DNAH8: variants seen among roughly 807,000 people sequenced by gnomAD.
DNAH8 encodes axonemal beta dynein heavy chain 8.
A neutral mutation model predicts 562.1 loss-of-function variants in DNAH8; 382 were observed. The ratio of observed to expected loss-of-function variants is 0.68; its 90% CI spans 0.63 to 0.74. DNAH8 has a LOEUF of 0.74. Ranked by LOEUF, DNAH8 falls within the 30% of genes least tolerant of loss-of-function variation. The probability of loss-of-function intolerance (pLI) is 0.00; values close to 1 mark genes in which losing one functional copy is unlikely to be tolerated. For missense variants in DNAH8, 5,203 were observed against 5,620.4 expected (o/e 0.93, Z 2.37); for synonymous variants, 1,881 against 1,919.4 (o/e 0.98, Z 0.52).
intron 58 of DNAH8, among the ~76,000 whole-genome samples, chr6:38,891,502 T>A (rs1435602229): frequency 2.6e-5 from 4 of 152,214 alleles, no homozygotes; most frequent in African/African-American, 4.8e-5. Context: ...GCCTTTCAGA[T>A]TCCTGGGTAG....
intron 69 of DNAH8, 106 bp downstream of exon 69, chr6:38,917,512 C>T (rs749501477): frequency 1.3e-5 from 12 of 923,436 alleles, no homozygotes; most frequent in Middle Eastern, 2.2e-4. Flanking sequence ...TTGATCATTG[C>T]GTATTGAAAA....
At position 38,899,632 on chromosome 6, in the gene DNAH8, T is replaced by A. The variant is rs546919560; in HGVS notation, c.9064-144T>A. On this transcript the variant is annotated intron_variant, in intron 61 of 92. Coordinates refer to ENST00000327475, the MANE Select transcript of DNAH8 (RefSeq NM_001206927.2). ...ACAAATCAGTATTAAACTTTAATTT[T>A]AAAAATTCTGTCATAGACCATTAAC... 4 of 814,504 alleles carry A rather than the reference T, an allele frequency of 4.9e-6. No homozygotes were observed. The African/African-American group carries it at 7.0e-5, about 14-fold the overall frequency. The allele number at this position is 814,504 out of a possible 1,614,324, so 50.5% of individuals were successfully genotyped here. A position where few individuals can be genotyped will look rare whatever the true frequency, so the allele number is the denominator to read the frequency against.
chr6:38,796,812 C>T (rs1372369120), intron 21 of DNAH8, among the ~76,000 whole-genome samples: 2 of 152,120 alleles, frequency 1.3e-5, no homozygotes, highest in Non-Finnish European at 2.9e-5. Flanking sequence ...CATGAGCCCG[C>T]CGATGCTCCC....
In DNAH8 at chr6:38,883,433, G is replaced by T. The variant is rs1257242633; in HGVS notation, c.8113G>T (p.Ala2705Ser). 3.1e-6 allele frequency: 5 copies of T among 1,610,702 alleles called. No homozygotes were observed. The highest frequency in any genetic ancestry group is 1.1e-5 in the South Asian group (1 of 90,182). Reference sequence around the variant, plus strand: ...ATCCAAAAGTCTAAACTTTTCATCTGCCACAGAACCAATGATGTTTCAGGT... The same window carrying T: ...ATCCAAAAGTCTAAACTTTTCATCTTCCACAGAACCAATGATGTTTCAGGT... ...QLSKSLNFSS[A>S]TEPMMFQRTI... Residue 2705 changes from alanine (A) to serine (S), a missense_variant, in exon 55 of 93, where the codon GCC (alanine) becomes TCC (serine). Ala to Ser is a moderately conservative substitution (Grantham distance 99). Around this residue, in one of 6 missense-constraint regions of DNAH8, gnomAD observed 977 missense variants for 1,061.8 expected, o/e 0.92. Transcript: ENST00000327475.
chr6:38,915,262 AGG>A lies in DNAH8; in HGVS notation c.10026_10027del (p.Glu3342AspfsTer11), dbSNP rs1283619901. ...GCCAAAATTAAAAATGAAGTACAGG[AGG>A]TAAAGGACAAAGCCCAAAAAATTGT... is the stretch of plus-strand genomic sequence containing the variant. On this transcript the variant is annotated frameshift_variant, in exon 68 of 93. Transcript: ENST00000327475. LOFTEE classifies it high-confidence loss of function. 6.2e-7 allele frequency: 1 copy of A among 1,611,688 alleles called. No individual in the cohort carries two copies. Among genetic ancestry groups the A allele is most frequent in the Admixed American group, 1.7e-5 (1 of 59,406 alleles).
intron 32 of DNAH8, among the ~76,000 whole-genome samples, chr6:38,836,694 CT>C (rs1774333588): frequency 6.6e-6 from 1 of 151,924 alleles, no homozygotes; most frequent in Non-Finnish European, 1.5e-5. Flanking sequence ...CTCCAACCCC[CT>C]AAAAAAAACA....
intron 88 of DNAH8, among the ~76,000 whole-genome samples, chr6:38,990,657 G>A (rs1457018975): frequency 6.6e-6 from 1 of 152,124 alleles, no homozygotes; most frequent in East Asian, 1.9e-4. Context: ...CTTTTGTCAT[G>A]CACTGCCTGT....
chr6:38,734,781 G>C (rs1486923309), intron 5 of DNAH8, among the ~76,000 whole-genome samples, 156 bp downstream of exon 5: 3 of 152,016 alleles, frequency 2.0e-5, no homozygotes, highest in African/African-American at 2.4e-5. Context: ...CTGAGAAATT[G>C]ACTGTAATAG....
chr6:38,973,886 G>T (rs764249016), intron 84 of DNAH8, 73 bp downstream of exon 84: 98 of 1,293,210 alleles, frequency 7.6e-5, no homozygotes, highest in Non-Finnish European at 9.7e-5. Flanking sequence ...TTGAAAGATG[G>T]GAACACAACA....
intron 58 of DNAH8, among the ~76,000 whole-genome samples, chr6:38,892,573 A>G (rs1779411884): frequency 6.6e-6 from 1 of 151,870 alleles, no homozygotes; most frequent in South Asian, 2.1e-4. Flanking sequence ...AACCTTCCTC[A>G]CCATCCCCCC....
intron 16 of DNAH8, 60 bp downstream of exon 16, chr6:38,781,433 T>G: frequency 8.7e-7 from 1 of 1,154,426 alleles, no homozygotes; most frequent in Admixed American, 3.1e-5. Context: ...AACAAATATA[T>G]CATATCCTAT....
Position 38,949,522 on chromosome 6 carries a change from A to AT in DNAH8, c.12201dup (p.Gly4068TrpfsTer3). 2 of 1,613,198 alleles carry AT rather than the reference A, an allele frequency of 1.2e-6. No homozygotes were observed. Among genetic ancestry groups the AT allele is most frequent in the Non-Finnish European group, 1.7e-6 (2 of 1,179,190 alleles). ...GCTCCAGAGGAGGAAATTATCCCTG[A>AT]TGGATATAATGATTCACTAGATACC... is the stretch of plus-strand genomic sequence containing the variant. On this transcript the variant is annotated frameshift_variant, in exon 81 of 93. Coordinates refer to ENST00000327475, the MANE Select transcript of DNAH8 (RefSeq NM_001206927.2). LOFTEE classifies it high-confidence loss of function.
intron 87 of DNAH8, among the ~76,000 whole-genome samples, chr6:38,989,721 G>A (rs1487637633): frequency 2.6e-5 from 4 of 152,184 alleles, no homozygotes; most frequent in African/African-American, 9.7e-5. Flanking sequence ...ATGGAATTGA[G>A]GGTTGTCAAA....
In DNAH8 at chr6:38,783,212, A is replaced by G. The variant is rs1195944566; in HGVS notation, c.2395+73A>G. On this transcript the variant is annotated intron_variant, in intron 17 of 92. Coordinates refer to ENST00000327475, the MANE Select transcript of DNAH8 (RefSeq NM_001206927.2). ...TTGAATGAGTTCATAGTTCTGGAGA[A>G]CTTTTTCCATCCCTTCCACATAATC... 11 of 1,398,034 alleles carry G rather than the reference A, an allele frequency of 7.9e-6. No individual in the cohort carries two copies. The African/African-American group carries it at 1.4e-4, about 18-fold the overall frequency. The allele number at this position is 1,398,034 out of a possible 1,614,324, so 86.6% of individuals were successfully genotyped here. A position where few individuals can be genotyped will look rare whatever the true frequency, so the allele number is the denominator to read the frequency against.
At chr6:38,858,204 G>T (rs1472233529) in intron 42 of DNAH8, among the ~76,000 whole-genome samples, 1 of 152,132 alleles carries the variant, frequency 6.6e-6, no homozygotes, top group Non-Finnish European at 1.5e-5. Flanking sequence ...TCTAACCAGT[G>T]GCCTTGACCA....
chr6:38,838,082 T>G, intron 33 of DNAH8, 40 bp downstream of exon 33: 1 of 1,248,184 alleles, frequency 8.0e-7, no homozygotes, highest in South Asian at 1.2e-5. Flanking sequence ...TGCAAATAAT[T>G]AAATACTATC....
intron 28 of DNAH8, among the ~76,000 whole-genome samples, chr6:38,825,020 A>C (rs991274162): frequency 2.8e-4 from 42 of 152,334 alleles, no homozygotes; most frequent in African/African-American, 9.4e-4. Flanking sequence ...ACTATGATCC[A>C]CAATACAAAA....
chr6:38,974,224 A>T (rs1012055531), intron 84 of DNAH8, 150 bp from the exon 85 acceptor site: 2 of 649,150 alleles, frequency 3.1e-6, no homozygotes, highest in African/African-American at 3.7e-5. Context: ...TCATATAACA[A>T]TTTAATGCTA....
intron 58 of DNAH8, among the ~76,000 whole-genome samples, chr6:38,892,669 C>T (rs766856226): frequency 3.4e-4 from 52 of 152,168 alleles, no homozygotes; most frequent in Non-Finnish European, 6.3e-4. Flanking sequence ...TCTTCTTGCT[C>T]TCTTGGAGTC....
Sources: allele counts gnomAD v4.1 joint callset (sites outside exome capture counted in the v4.1 genomes callset), GRCh38; gene constraint gnomAD v4.1.1; regional missense constraint gnomAD v4.1.1; transcripts MANE v1.5; gene names NCBI Gene and HGNC (gene_info 2026-07-23, HGNC 2026-07-21).